The following EEF1AKMT4 variants were observed in gnomAD, a reference collection of about 807,000 sequenced individuals.
EEF1AKMT4 encodes EEF1A lysine methyltransferase 4.
EEF1AKMT4 carries 17 observed loss-of-function variants against 23.0 expected under a neutral mutation model. That is an observed-to-expected ratio of 0.74 (90% CI 0.51 to 1.11). The LOEUF is 1.11. EEF1AKMT4 is among the 50% of genes least tolerant of loss of function. The probability of loss-of-function intolerance (pLI) is 0.00; values close to 1 mark genes in which losing one functional copy is unlikely to be tolerated. For synonymous variants in EEF1AKMT4, 140 were observed against 141.4 expected (o/e 0.99, Z 0.07); for missense variants, 318 against 333.4 (o/e 0.95, Z 0.36).
In EEF1AKMT4 at chr3:184,258,395, G is replaced by A. The variant is rs1719909943; in HGVS notation, c.588G>A (p.Arg196=). 6.2e-7 allele frequency: 1 copy of A among 1,613,898 alleles called. No individual in the cohort carries two copies. Among genetic ancestry groups the A allele is most frequent in the African/African-American group, 1.3e-5 (1 of 75,004 alleles). ...YAQAYYGWSL[R]HATYGSGFHF... is the part of the protein sequence containing the mutation. ...AAGCCTATTATGGCTGGTCCCTGAG[G>A]CATGCTACCTATGGCAGCGGTTTCC... The change falls in exon 3 of 3, where the codon AGG becomes AGA. Residue 196 remains arginine, a synonymous_variant. Transcript: ENST00000324557.
Position 184,249,804 on chromosome 3 carries a change from C to A in EEF1AKMT4, c.110C>A (p.Ala37Asp). ...CGCTACCAAGGCGCAGCCGATTCTG[C>A]CCCCTACGATTGGTTCGGGGACTTC... The part of the protein sequence containing the change: ...DQRYQGAADS[A>D]PYDWFGDFSS... The change falls in exon 1 of 3, where the codon GCC becomes GAC. Residue 37 changes from alanine to aspartate, a missense_variant. Physicochemically the swap from Ala to Asp is moderately radical, Grantham distance 126. Transcript: ENST00000324557. 6.2e-7 allele frequency: 1 copy of A among 1,613,404 alleles called. No individual in the cohort carries two copies.
intron 1 of EEF1AKMT4, among the ~76,000 whole-genome samples, chr3:184,251,254 C>T (rs1239648861): frequency 6.6e-6 from 1 of 151,826 alleles, no homozygotes; most frequent in Non-Finnish European, 1.5e-5. Flanking sequence ...AAAATTTAGG[C>T]CAGAGCAGTG....
intron 1 of EEF1AKMT4, among the ~76,000 whole-genome samples, chr3:184,255,232 T>C (rs1239675694): frequency 1.3e-5 from 2 of 152,216 alleles, no homozygotes; most frequent in Non-Finnish European, 2.9e-5. Context: ...AACCTGGAAC[T>C]AAGTCAGGTT....
intron 1 of EEF1AKMT4, among the ~76,000 whole-genome samples, chr3:184,251,533 A>C (rs1283613049): frequency 7.0e-6 from 1 of 142,444 alleles, no homozygotes; most frequent in African/African-American, 2.6e-5. Flanking sequence ...ACCCTGTCTC[A>C]AAAAAAAAAA....
At chr3:184,256,622 C>A (rs1028747000) in intron 1 of EEF1AKMT4, among the ~76,000 whole-genome samples, 1 of 151,950 alleles carries the variant, frequency 6.6e-6, no homozygotes, top group East Asian at 1.9e-4. Context: ...AATCTCTGAA[C>A]TCCTAACTTT....
intron 1 of EEF1AKMT4, 49 bp from the exon 2 acceptor site, chr3:184,257,424 G>T: frequency 6.4e-7 from 1 of 1,553,798 alleles, no homozygotes; most frequent in South Asian, 1.2e-5. Context: ...GGGGAGGTGA[G>T]AACCAAAACT....
chr3:184,251,192 C>T (rs975435353), intron 1 of EEF1AKMT4, among the ~76,000 whole-genome samples: 4 of 151,902 alleles, frequency 2.6e-5, no homozygotes, highest in South Asian at 2.1e-4. Context: ...ATCACTTGAT[C>T]GCAGGAGCTC....
At chr3:184,251,106 A>AAAGAAAG (rs10629680) in intron 1 of EEF1AKMT4, among the ~76,000 whole-genome samples, 6 of 142,420 alleles carry the variant, frequency 4.2e-5, no homozygotes, top group African/African-American at 1.3e-4. Flanking sequence ...AAAAAAAAAG[A>AAAGAAAG]AAAGAACTTG....
At position 184,249,837 on chromosome 3, in the gene EEF1AKMT4, T is replaced by C. The variant is rs886845035; in HGVS notation, c.143T>C (p.Phe48Ser). ...GATTGGTTCGGGGACTTCTCCTCCTTCCGTGCCCTCCTAGAGCCGGAGCTG... is the reference window on the plus strand; with the variant it reads ...GATTGGTTCGGGGACTTCTCCTCCTCCCGTGCCCTCCTAGAGCCGGAGCTG... ...PYDWFGDFSSFRALLEPELRP... is the reference protein window; with the variant it reads ...PYDWFGDFSSSRALLEPELRP... The change falls in exon 1 of 3, where the codon TTC becomes TCC. Residue 48 changes from phenylalanine to serine, a missense_variant. Phe to Ser is a radical substitution (Grantham distance 155). Transcript: ENST00000324557. The C allele has an allele frequency of 6.2e-7, 1 of 1,613,204 alleles. No homozygotes were observed. The highest frequency in any genetic ancestry group is 1.7e-5 in the Admixed American group (1 of 60,028).
At chr3:184,257,872 G>A (rs1046229475) in intron 2 of EEF1AKMT4, 116 bp downstream of exon 2, 15 of 1,309,032 alleles carry the variant, frequency 1.1e-5, no homozygotes, top group South Asian at 4.4e-5. Context: ...GTAGTGGGTC[G>A]CCCTCAGGAG....
At chr3:184,251,955 T>G (rs959642303) in intron 1 of EEF1AKMT4, among the ~76,000 whole-genome samples, 1 of 152,258 alleles carries the variant, frequency 6.6e-6, no homozygotes, top group Non-Finnish European at 1.5e-5. Flanking sequence ...CAAGGTTCTC[T>G]GTGTGGTCCT....
rs1477198215 is a variant in EEF1AKMT4 at position 184,258,565 on chromosome 3, T to A, written c.758T>A (p.Ile253Asn). The A allele has an allele frequency of 6.3e-7, 1 of 1,585,048 alleles. No individual in the cohort carries two copies. Among genetic ancestry groups the A allele is most frequent in the Non-Finnish European group, 8.6e-7 (1 of 1,164,438 alleles). ...GATCATGAGGACTTCCTTAGTGCCATTCAGCTCTGAGGCCAGAGCATGGTC... is the reference window on the plus strand; with the variant it reads ...GATCATGAGGACTTCCTTAGTGCCAATCAGCTCTGAGGCCAGAGCATGGTC... ...DSDHEDFLSA[I>N]QL The change falls in exon 3 of 3, where the codon ATT (isoleucine) becomes AAT (asparagine). Residue 253 changes from isoleucine (I) to asparagine (N), a missense_variant. Transcript: ENST00000324557.
At position 184,249,714 on chromosome 3, in the gene EEF1AKMT4, G is replaced by C. The variant is rs113457645; in HGVS notation, c.20G>C (p.Gly7Ala). The C allele has an allele frequency of 8.1e-6, 13 of 1,609,912 alleles. No individual in the cohort carries two copies. The South Asian group carries it at 1.4e-4, about 18-fold the overall frequency. Residue 7 changes from glycine (G) to alanine (A), a missense_variant, in exon 1 of 3, where the codon GGT (glycine) becomes GCT (alanine). By Grantham distance (60) the Gly-to-Ala change is moderately conservative. Transcript: ENST00000324557. Reference protein sequence around the residue: MASPGAGRAPPELPERN... With the variant: MASPGAARAPPELPERN... ...GAGAGCATGGCCTCTCCAGGGGCAG[G>C]TAGGGCGCCTCCGGAGTTACCGGAG...
intron 1 of EEF1AKMT4, among the ~76,000 whole-genome samples, chr3:184,254,536 C>G (rs1719706360): frequency 7.1e-6 from 1 of 141,246 alleles, no homozygotes. Flanking sequence ...AACCCCGTCT[C>G]TACTAAAAAA....
chr3:184,258,723 C>T lies in EEF1AKMT4; in HGVS notation c.*148C>T. Reference sequence around the variant, plus strand: ...AAGATAGAGGGTGGGAGCGAACCCACATGAACCAATACAGCCCAGCTCCAA... The same window carrying T: ...AAGATAGAGGGTGGGAGCGAACCCATATGAACCAATACAGCCCAGCTCCAA... On this transcript the variant is annotated 3_prime_UTR_variant, in exon 3 of 3. Transcript: ENST00000324557. 7.1e-7 allele frequency: 1 copy of T among 1,414,832 alleles called. No homozygotes were observed. Among genetic ancestry groups the T allele is most frequent in the African/African-American group, 1.4e-5 (1 of 69,188 alleles). 87.6% of individuals were successfully genotyped at this position (1,414,832 alleles called of 1,614,324 possible).
At chr3:184,253,933 G>A (rs1719678541) in intron 1 of EEF1AKMT4, among the ~76,000 whole-genome samples, 1 of 152,182 alleles carries the variant, frequency 6.6e-6, no homozygotes, top group South Asian at 2.1e-4. Context: ...GCCTCCCGAA[G>A]TGCTGGGATT....
intron 1 of EEF1AKMT4, among the ~76,000 whole-genome samples, chr3:184,256,925 C>T (rs967320154): frequency 2.6e-5 from 4 of 152,164 alleles, no homozygotes; most frequent in Non-Finnish European, 5.9e-5. Flanking sequence ...CCTCCTCGGC[C>T]TCCCAAAGTG....
At chr3:184,250,168 C>A (rs1719463508) in intron 1 of EEF1AKMT4, among the ~76,000 whole-genome samples, 1 of 152,222 alleles carries the variant, frequency 6.6e-6, no homozygotes. Flanking sequence ...AGGCAGGCAG[C>A]CTTGGGGACC....
At chr3:184,253,251 C>T (rs1416364295) in intron 1 of EEF1AKMT4, among the ~76,000 whole-genome samples, 2 of 152,060 alleles carry the variant, frequency 1.3e-5, no homozygotes, top group African/African-American at 4.8e-5. Context: ...ACACCAAAAC[C>T]CAGGGATATA....
Sources: allele counts gnomAD v4.1 joint callset (sites outside exome capture counted in the v4.1 genomes callset), GRCh38; gene constraint gnomAD v4.1.1; transcripts MANE v1.5; gene names NCBI Gene and HGNC (gene_info 2026-07-23, HGNC 2026-07-21).